The following AFDN variants were observed in gnomAD, a reference collection of about 807,000 sequenced individuals.
AFDN encodes afadin, adherens junction formation factor.
In AFDN, 68 loss-of-function variants were observed where a neutral mutation model predicts 216.6. The observed-to-expected ratio is 0.31, with a 90% CI of 0.26 to 0.38. The LOEUF is 0.38. Among genes scored for constraint, AFDN ranks in the 10% least tolerant of loss-of-function variants. The probability of loss-of-function intolerance (pLI) is 1.00; values close to 1 mark genes in which losing one functional copy is unlikely to be tolerated. For missense variants in AFDN, 2,136 were observed against 2,342.0 expected, an observed-to-expected ratio of 0.91 and a Z score of 1.82; for synonymous variants, 868 against 853.7, an observed-to-expected ratio of 1.02 and a Z score of -0.29.
chr6:167,880,931 G>A (rs544744850), intron 6 of AFDN, among the ~76,000 whole-genome samples: 1 of 152,124 alleles, frequency 6.6e-6, no homozygotes, highest in Non-Finnish European at 1.5e-5. Context: ...TTAAAAAATT[G>A]CTTTGTTTAT....
At chr6:167,870,840 G>A (rs1033570899) in intron 3 of AFDN, among the ~76,000 whole-genome samples, 4 of 151,870 alleles carry the variant, frequency 2.6e-5, no homozygotes, top group African/African-American at 7.3e-5. Context: ...GGAAAATAAC[G>A]CTTTTATATC....
At chr6:167,838,323 C>T (rs369436837) in intron 1 of AFDN, among the ~76,000 whole-genome samples, 55 of 86,476 alleles carry the variant, frequency 6.4e-4, no homozygotes, top group Admixed American at 2.7e-3. Flanking sequence ...CATGCCATCT[C>T]GCCATCTCGC....
At chr6:167,896,571 C>T (rs574192083) in intron 9 of AFDN, among the ~76,000 whole-genome samples, 1 of 152,304 alleles carries the variant, frequency 6.6e-6, no homozygotes, top group South Asian at 2.1e-4. Flanking sequence ...ACAGTTGCTC[C>T]TCAGAATCAT....
At chr6:167,904,641 G>GAAGAC (rs1269647284) in intron 12 of AFDN, among the ~76,000 whole-genome samples, 2 of 152,110 alleles carry the variant, frequency 1.3e-5, no homozygotes, top group Non-Finnish European at 2.9e-5. Context: ...CCCCACCTTA[G>GAAGAC]AAGACAATAC....
At chr6:167,866,141 G>T (rs1376655056) in intron 2 of AFDN, among the ~76,000 whole-genome samples, 2 of 145,930 alleles carry the variant, frequency 1.4e-5, no homozygotes, top group African/African-American at 2.6e-5. Context: ...AGTCTGTGCT[G>T]TTCAGTTAGT....
chr6:167,902,166 TTAATTC>T, intron 11 of AFDN, 145 bp from the exon 12 acceptor site: 1 of 551,802 alleles, frequency 1.8e-6, no homozygotes, highest in Non-Finnish European at 3.2e-6. Flanking sequence ...AGGTGGTTTT[TTAATTC>T]TGTAAGTTCG....
intron 4 of AFDN, among the ~76,000 whole-genome samples, chr6:167,874,029 A>T (rs998253853): frequency 4.6e-5 from 7 of 152,260 alleles, no homozygotes; most frequent in Admixed American, 4.6e-4. Context: ...AAATGCAGTT[A>T]TGCAAGAGAA....
At chr6:167,870,188 A>G (rs2105969) in intron 2 of AFDN, among the ~76,000 whole-genome samples, 198 bp from the exon 3 acceptor site, 46,075 of 152,108 alleles carry the variant, frequency 0.3, 8,030 homozygotes, top group East Asian at 0.6. Context: ...CTGGCACTGG[A>G]TATGTGGTAA....
At chr6:167,949,009 G>C (rs1331244593) in intron 29 of AFDN, among the ~76,000 whole-genome samples, 1 of 152,234 alleles carries the variant, frequency 6.6e-6, no homozygotes, top group African/African-American at 2.4e-5. Context: ...TGGGTAGAGG[G>C]GAAAGGGGTG....
chr6:167,859,026 G>A (rs1306153266), intron 1 of AFDN, among the ~76,000 whole-genome samples: 1 of 151,244 alleles, frequency 6.6e-6, no homozygotes, highest in East Asian at 1.9e-4. Flanking sequence ...AATGAATACA[G>A]TGGAAAGAAT....
intron 16 of AFDN, 122 bp downstream of exon 16, chr6:167,913,545 C>T: frequency 1.1e-6 from 1 of 880,144 alleles, no homozygotes; most frequent in South Asian, 1.6e-5. Flanking sequence ...CATTCAGCAA[C>T]TGAGACATGC....
chr6:167,895,269 AG>A (rs1291110383), intron 9 of AFDN, among the ~76,000 whole-genome samples: 1 of 152,102 alleles, frequency 6.6e-6, no homozygotes, highest in Non-Finnish European at 1.5e-5. Context: ...TTTCTTAACT[AG>A]GGGGGTTCAT....
In AFDN at chr6:167,946,712, G is replaced by T. The variant is rs1795306801; in HGVS notation, c.3364G>T (p.Asp1122Tyr). The change falls in exon 27 of 34, where the codon GAT becomes TAT. Residue 1122 changes from aspartate to tyrosine, a missense_variant. Physicochemically the swap from Asp to Tyr is radical, Grantham distance 160. Coordinates refer to ENST00000683244, the MANE Select transcript of AFDN (RefSeq NM_001386888.1). The stretch of plus-strand genomic sequence containing the variant: ...TGAATATGCTTTGATTCCAGTTTCA[G>T]ATCGTCGTGGCTCAGGTAAACCCCG... ...QPSPMMQRISDRRGSGKPRPK... is the reference protein window; with the variant it reads ...QPSPMMQRISYRRGSGKPRPK... 2 of 1,613,536 alleles carry T rather than the reference G, an allele frequency of 1.2e-6. No individual in the cohort carries two copies. The highest frequency in any genetic ancestry group is 1.3e-5 in the African/African-American group (1 of 74,886).
At chr6:167,888,626 G>A (rs75078108) in intron 6 of AFDN, among the ~76,000 whole-genome samples, 2 of 152,168 alleles carry the variant, frequency 1.3e-5, no homozygotes, top group Non-Finnish European at 2.9e-5. Flanking sequence ...ACAGCATTAT[G>A]AATTAGGAGT....
rs1779174783 is a variant in AFDN, at chr6:167,827,137, C to T, written c.5C>T (p.Ser2Leu). 6.2e-6 allele frequency: 8 copies of T among 1,284,272 alleles called. No homozygotes were observed. The highest frequency in any genetic ancestry group is 5.3e-5 in the Admixed American group (2 of 37,852). The allele number at this position is 1,284,272 out of a possible 1,614,324, so 79.6% of individuals were successfully genotyped here. ...TGAGGAGGCGCGGCCAGGACCATGTCGGCGGGCGGCCGTGACGAGGAGCGG... is the reference window on the plus strand; with the variant it reads ...TGAGGAGGCGCGGCCAGGACCATGTTGGCGGGCGGCCGTGACGAGGAGCGG... Reference protein sequence around the residue: MSAGGRDEERRK... With the variant: MLAGGRDEERRK... The change falls in exon 1 of 34, where the codon TCG becomes TTG. Residue 2 changes from serine to leucine, a missense_variant. By Grantham distance (145) the Ser-to-Leu change is moderately radical. Around this residue, in one of 8 missense-constraint regions of AFDN, gnomAD observed 81 missense variants for 51.2 expected, o/e 1.58. Coordinates refer to ENST00000683244, the MANE Select transcript of AFDN (RefSeq NM_001386888.1).
intron 1 of AFDN, among the ~76,000 whole-genome samples, chr6:167,828,179 T>G (rs1779417440): frequency 6.6e-6 from 1 of 152,254 alleles, no homozygotes; most frequent in Admixed American, 6.5e-5. Context: ...GAAATCATTT[T>G]AATAGCGTCT....
At chr6:167,856,995 A>G (rs987829950) in intron 1 of AFDN, among the ~76,000 whole-genome samples, 21 of 152,128 alleles carry the variant, frequency 1.4e-4, no homozygotes, top group African/African-American at 4.8e-4. Context: ...ACTTTGTAAG[A>G]AAGATGTTTA....
intron 23 of AFDN, 139 bp from the exon 24 acceptor site, chr6:167,942,990 A>C (rs1279571844): frequency 5.1e-6 from 3 of 591,000 alleles, no homozygotes; most frequent in Admixed American, 3.5e-5. Flanking sequence ...TGTAATTTTC[A>C]TGTAAAAATG....
intron 1 of AFDN, among the ~76,000 whole-genome samples, chr6:167,843,494 A>G (rs142323558): frequency 6.6e-6 from 1 of 152,380 alleles, no homozygotes; most frequent in African/African-American, 2.4e-5. Context: ...TTGAGGACAG[A>G]GACCAGGCTG....
Sources: gnomAD v4.1 joint callset for allele counts (sites outside exome capture counted in the v4.1 genomes callset) on GRCh38, gnomAD v4.1.1 for gene constraint, gnomAD v4.1.1 regional missense constraint, MANE v1.5 for transcripts, NCBI Gene and HGNC (gene_info 2026-07-23, HGNC 2026-07-21) for gene names.